Variants in RBMS3 observed in about 807,000 individuals in gnomAD.
RBMS3 encodes RNA-binding motif, single-stranded-interacting protein 3.
A neutral mutation model predicts 66.8 loss-of-function variants in RBMS3; 27 were observed. The ratio of observed to expected loss-of-function variants is 0.40; its 90% CI spans 0.30 to 0.56. The LOEUF (loss-of-function observed/expected upper bound fraction) is 0.56. Among genes scored for constraint, RBMS3 ranks in the 20% least tolerant of loss-of-function variants. The pLI is 0.40. For synonymous variants in RBMS3, 188 were observed against 183.0 expected (o/e 1.03, Z -0.22); for missense variants, 513 against 549.5 (o/e 0.93, Z 0.66).
At chr3:29,693,802 C>T (rs2052147070) in intron 4 of RBMS3, among the ~76,000 whole-genome samples, 1 of 152,112 alleles carries the variant, frequency 6.6e-6, no homozygotes, top group Non-Finnish European at 1.5e-5. Flanking sequence ...GATTTTTGTT[C>T]ATCCTAAGAC....
chr3:29,882,718 A>G (rs2059765586), intron 7 of RBMS3, among the ~76,000 whole-genome samples: 1 of 152,092 alleles, frequency 6.6e-6, no homozygotes. Flanking sequence ...TTTCATGTCA[A>G]TTATAAGCTA....
intron 8 of RBMS3, among the ~76,000 whole-genome samples, chr3:29,887,087 G>C (rs1286831845): frequency 6.6e-6 from 1 of 151,744 alleles, no homozygotes; most frequent in Non-Finnish European, 1.5e-5. Flanking sequence ...TGAACTGCAG[G>C]GTGTTATGAA....
At chr3:29,524,347 T>G (rs1457281869) in intron 3 of RBMS3, among the ~76,000 whole-genome samples, 2 of 152,010 alleles carry the variant, frequency 1.3e-5, no homozygotes, top group Non-Finnish European at 2.9e-5. Flanking sequence ...TGATGCTTTT[T>G]TATGTACACA....
intron 1 of RBMS3, among the ~76,000 whole-genome samples, chr3:29,362,370 C>T (rs1345602721): frequency 6.6e-6 from 1 of 152,212 alleles, no homozygotes; most frequent in African/African-American, 2.4e-5. Context: ...GCGAATATTG[C>T]TGAACAGCAA....
intron 11 of RBMS3, among the ~76,000 whole-genome samples, chr3:29,941,698 TA>T (rs997587589): frequency 2.4e-4 from 36 of 151,556 alleles, no homozygotes; most frequent in Non-Finnish European, 4.7e-4. Flanking sequence ...ACCGACATAG[TA>T]AAAAAGCCTC....
chr3:29,610,907 C>A (rs150328978), intron 4 of RBMS3, among the ~76,000 whole-genome samples: 4 of 152,100 alleles, frequency 2.6e-5, no homozygotes, highest in Admixed American at 2.6e-4. Context: ...AGATCCCTGA[C>A]CTTTCTGCCT....
chr3:29,450,317 A>G (rs1362292071), intron 2 of RBMS3, among the ~76,000 whole-genome samples: 1 of 152,180 alleles, frequency 6.6e-6, no homozygotes, highest in Non-Finnish European at 1.5e-5. Flanking sequence ...AAAGGGCTCC[A>G]TGGTCTGGCA....
Position 29,413,401 on chromosome 3 carries a change from CATACATACATACATACATACAT to C in RBMS3, c.76-21340_76-21319del, listed in dbSNP as rs1559559790. Among the ~76,000 whole-genome samples, 4 of 150,862 alleles carry C rather than the reference CATACATACATACATACATACAT, an allele frequency of 2.7e-5. No individual in the cohort carries two copies. The East Asian group carries it at 7.8e-4, about 30-fold the overall frequency. ...ACATACATACATACATACATACATA[CATACATACATACATACATACAT>C]ACACAGAGTTGCAGCAGAAAAGCTA... On this transcript the variant is annotated intron_variant, in intron 1 of 14. Coordinates refer to ENST00000383767, the MANE Select transcript of RBMS3 (RefSeq NM_001003793.3).
intron 3 of RBMS3, among the ~76,000 whole-genome samples, chr3:29,581,695 G>C (rs569134533): frequency 6.6e-6 from 1 of 152,198 alleles, no homozygotes; most frequent in Non-Finnish European, 1.5e-5. Flanking sequence ...GGAAGAATTT[G>C]GGTGCTACAC....
Position 29,700,364 on chromosome 3 carries a change from G to A in RBMS3, c.400-39356G>A, listed in dbSNP as rs186200395. On this transcript the variant is annotated intron_variant, in intron 4 of 14. Coordinates refer to ENST00000383767, the MANE Select transcript of RBMS3 (RefSeq NM_001003793.3). ...GCAGAATTAACGCCAAACTGTGTAC[G>A]GTCTGAATCCTTTCCATTGAGGCAG... Among the ~76,000 whole-genome samples, 95 of 152,220 alleles carry A rather than the reference G, an allele frequency of 6.2e-4. 1 individual carries two copies. In the East Asian group the frequency reaches 0.01, roughly 16 times the overall value.
Position 29,517,299 on chromosome 3 carries a change from GTGTGTGTGTA to G in RBMS3, c.307+28802_307+28811del, listed in dbSNP as rs1384761053. On this transcript the variant is annotated intron_variant, in intron 3 of 14. Transcript: ENST00000383767. ...TGTGTGTGTGTGTGTGTGTGTGTGT[GTGTGTGTGTA>G]TATATATATATTTTTTTTTTGTTTT... 9.2e-4 allele frequency among the ~76,000 whole-genome samples: 125 copies of G among 135,746 alleles called. 1 individual carries two copies. The highest frequency in any genetic ancestry group is 3.3e-3 in the African/African-American group (108 of 32,322). 89.1% of individuals were successfully genotyped at this position (135,746 alleles called of 152,430 possible). A position where few individuals can be genotyped will look rare whatever the true frequency, so the allele number is the denominator to read the frequency against.
In RBMS3 at chr3:29,533,446, C is replaced by T. The variant is rs556722705; in HGVS notation, c.307+44947C>T. 6.6e-5 allele frequency among the ~76,000 whole-genome samples: 10 copies of T among 152,258 alleles called. No homozygotes were observed. The East Asian group carries it at 1.7e-3, about 27-fold the overall frequency. On this transcript the variant is annotated intron_variant, in intron 3 of 14. Coordinates refer to ENST00000383767, the MANE Select transcript of RBMS3 (RefSeq NM_001003793.3). ...GCAGTGAGCTGTGATCATGCTATTGCACTCCAGCCTGGGTGACACAGTGAG... is the reference window on the plus strand; with the variant it reads ...GCAGTGAGCTGTGATCATGCTATTGTACTCCAGCCTGGGTGACACAGTGAG...
At chr3:29,845,177 C>T (rs1282665153) in intron 6 of RBMS3, among the ~76,000 whole-genome samples, 1 of 152,216 alleles carries the variant, frequency 6.6e-6, no homozygotes, top group Non-Finnish European at 1.5e-5. Context: ...AAATGCTTAG[C>T]AAGATGCCTG....
chr3:29,989,685 A>ATGTTTAAATCTTTCATGTGT (rs1410297565), intron 13 of RBMS3, among the ~76,000 whole-genome samples: 8 of 152,364 alleles, frequency 5.3e-5, no homozygotes, highest in Middle Eastern at 3.4e-3. Flanking sequence ...AGGAGTTCCA[A>ATGTTTAAATCTTTCATGTGT]TGTTTAAATC....
At chr3:29,714,593 G>A (rs2053311891) in intron 4 of RBMS3, among the ~76,000 whole-genome samples, 1 of 152,192 alleles carries the variant, frequency 6.6e-6, no homozygotes, top group South Asian at 2.1e-4. Context: ...AAGGAAGACA[G>A]ATATACATGA....
chr3:29,587,473 A>G (rs1423151422), intron 4 of RBMS3, among the ~76,000 whole-genome samples: 1 of 151,470 alleles, frequency 6.6e-6, no homozygotes, highest in African/African-American at 2.4e-5. Flanking sequence ...GCCTATATTT[A>G]TTATTGTATC....
At chr3:29,993,693 C>T (rs547653667) in intron 14 of RBMS3, among the ~76,000 whole-genome samples, 1 of 152,148 alleles carries the variant, frequency 6.6e-6, no homozygotes, top group Non-Finnish European at 1.5e-5. Context: ...TGCCTTTGAA[C>T]TTAAACAAAA....
At chr3:29,544,021 A>G (rs2045860212) in intron 3 of RBMS3, among the ~76,000 whole-genome samples, 2 of 152,196 alleles carry the variant, frequency 1.3e-5, no homozygotes, top group Non-Finnish European at 2.9e-5. Context: ...TTATGGAAAT[A>G]GTGAATACTT....
chr3:29,734,406 G>C (rs1268406340), intron 4 of RBMS3, among the ~76,000 whole-genome samples: 3 of 152,064 alleles, frequency 2.0e-5, no homozygotes, highest in Non-Finnish European at 4.4e-5. Flanking sequence ...GAGCTTGAAT[G>C]TTCCCAACAC....
Sources: allele counts gnomAD v4.1 joint callset (sites outside exome capture counted in the v4.1 genomes callset), GRCh38; gene constraint gnomAD v4.1.1; transcripts MANE v1.5; gene names NCBI Gene and HGNC (gene_info 2026-07-23, HGNC 2026-07-21).